The following SENP2 variants were observed in gnomAD, a reference collection of about 807,000 sequenced individuals.
SENP2 encodes sentrin-specific protease 2.
A neutral mutation model predicts 86.3 loss-of-function variants in SENP2; 16 were observed. That is an observed-to-expected ratio of 0.19 (90% CI 0.13 to 0.28). The LOEUF (loss-of-function observed/expected upper bound fraction) is 0.28. Among genes scored for constraint, SENP2 ranks in the 10% least tolerant of loss-of-function variants. The pLI, the probability that SENP2 is intolerant of heterozygous loss-of-function variation, is 1.00. For synonymous variants in SENP2, 222 were observed against 238.7 expected, an observed-to-expected ratio of 0.93 and a Z score of 0.64; for missense variants, 552 against 703.0, an observed-to-expected ratio of 0.79 and a Z score of 2.43.
Position 185,631,486 on chromosome 3 carries a change from CCTCCCTCCCCCCCCTCCCCCT to C in SENP2, c.*1644_*1664del, listed in dbSNP as rs1712468106. 7.8e-4 allele frequency: 1 copy of C among 1,274 alleles called. No homozygotes were observed. Among genetic ancestry groups the C allele is most frequent in the African/African-American group, 4.9e-3 (1 of 206 alleles). The allele number at this position is 1,274 out of a possible 1,614,324, so 0.1% of individuals were successfully genotyped here. A position where few individuals can be genotyped will look rare whatever the true frequency, so the allele number is the denominator to read the frequency against. ...CCTCCCCCTCCCTCCCTCCCCCCTC[CCTCCCTCCCCCCCCTCCCCCT>C]CCCTCCCCCTCCCTCTCTCCCTAAC... On this transcript the variant is annotated 3_prime_UTR_variant, in exon 17 of 17. Transcript: ENST00000296257.
chr3:185,599,068 G>T, intron 4 of SENP2, 44 bp downstream of exon 4: 1 of 1,422,940 alleles, frequency 7.0e-7, no homozygotes, highest in Admixed American at 1.8e-5. Flanking sequence ...ACCTCCTTCT[G>T]CCCATTTTTT....
chr3:185,622,632 T>TAAAA (rs1306865518), intron 14 of SENP2, among the ~76,000 whole-genome samples: 3 of 152,092 alleles, frequency 2.0e-5, no homozygotes, highest in Non-Finnish European at 4.4e-5. Context: ...ACCAATTGTT[T>TAAAA]ATAAAATGGT....
intron 14 of SENP2, among the ~76,000 whole-genome samples, chr3:185,623,641 G>A (rs898987807): frequency 2.6e-5 from 4 of 151,786 alleles, no homozygotes; most frequent in East Asian, 1.9e-4. Context: ...TGGCTAACAC[G>A]GTGAAACCCC....
intron 5 of SENP2, among the ~76,000 whole-genome samples, chr3:185,604,896 C>T (rs901823508): frequency 6.6e-6 from 1 of 151,530 alleles, no homozygotes; most frequent in Non-Finnish European, 1.5e-5. Flanking sequence ...GCTGGGACTA[C>T]AGGCATGCAC....
At position 185,617,590 on chromosome 3, in the gene SENP2, C is replaced by T. The variant is rs775151156; in HGVS notation, c.1221C>T (p.Asn407=). The change falls in exon 12 of 17, where the codon AAC becomes AAT. Residue 407 remains asparagine (N), a synonymous_variant. Coordinates refer to ENST00000296257, the MANE Select transcript of SENP2 (RefSeq NM_021627.3). ...GAGGAGATATTCAGACATTAAAGAA[C>T]TATCACTGGCTCAATGATGAAGTAA... The part of the protein sequence containing the change: ...ITRGDIQTLK[N]YHWLNDEVIN... 2 of 1,613,416 alleles carry T rather than the reference C, an allele frequency of 1.2e-6. No individual in the cohort carries two copies. Among genetic ancestry groups the T allele is most frequent in the East Asian group, 2.2e-5 (1 of 44,858 alleles).
chr3:185,598,596 T>C (rs942174445), intron 3 of SENP2, 51 bp downstream of exon 3: 4 of 1,540,382 alleles, frequency 2.6e-6, no homozygotes, highest in Non-Finnish European at 3.5e-6. Context: ...TACTTAATCA[T>C]TATATTTTAG....
intron 6 of SENP2, among the ~76,000 whole-genome samples, chr3:185,608,061 T>C (rs1722575081): frequency 6.6e-6 from 1 of 152,228 alleles, no homozygotes. Flanking sequence ...GAGCCACTTG[T>C]TTAATTTAGT....
At chr3:185,617,237 G>T (rs1358199321) in intron 11 of SENP2, among the ~76,000 whole-genome samples, 1 of 152,184 alleles carries the variant, frequency 6.6e-6, no homozygotes, top group Non-Finnish European at 1.5e-5. Flanking sequence ...GGAGGCCAAG[G>T]CAGGTATTGC....
intron 11 of SENP2, among the ~76,000 whole-genome samples, chr3:185,616,663 T>C (rs1057270800): frequency 1.3e-5 from 2 of 151,476 alleles, no homozygotes; most frequent in African/African-American, 4.9e-5. Flanking sequence ...TCATCCCAGC[T>C]ACTCGGGAGG....
intron 5 of SENP2, among the ~76,000 whole-genome samples, chr3:185,605,264 G>A (rs1021391503): frequency 2.6e-5 from 4 of 151,578 alleles, no homozygotes; most frequent in African/African-American, 7.3e-5. Flanking sequence ...CCAGCTACAC[G>A]GGAGGCTGAG....
intron 14 of SENP2, 133 bp downstream of exon 14, chr3:185,622,038 T>C: frequency 2.0e-6 from 1 of 496,380 alleles, no homozygotes; most frequent in East Asian, 3.3e-5. Flanking sequence ...ATTTTATTTT[T>C]AAAATAATAG....
rs761898965 is a variant in SENP2 at position 185,586,508 on chromosome 3, C to T, written c.95C>T (p.Ser32Leu). 4.3e-6 allele frequency: 7 copies of T among 1,613,046 alleles called. No homozygotes were observed. In the South Asian group the frequency reaches 7.7e-5, roughly 18 times the overall value. Residue 32 changes from serine (S) to leucine (L), a missense_variant, in exon 1 of 17, where the codon TCA becomes TTA. Coordinates refer to ENST00000296257, the MANE Select transcript of SENP2 (RefSeq NM_021627.3). This position sits in a 1 kb window ranked among gnomAD's most constrained non-coding sequence, Gnocchi z 4.3. The part of the protein sequence containing the change: ...PARALLKRRR[S>L]DSTLFSTVDT... Reference sequence around the variant, plus strand: ...CGGGCCCTCCTGAAGAGGCGGCGCTCAGACAGGTGAGACGAGAGGGGGCTG... The same window carrying T: ...CGGGCCCTCCTGAAGAGGCGGCGCTTAGACAGGTGAGACGAGAGGGGGCTG...
chr3:185,605,372 A>G (rs1722480129), intron 5 of SENP2, among the ~76,000 whole-genome samples: 1 of 151,206 alleles, frequency 6.6e-6, no homozygotes, highest in East Asian at 1.9e-4. Context: ...ACTTCGTCGA[A>G]AAAAAAAAGA....
At position 185,631,426 on chromosome 3, in the gene SENP2, C is replaced by T. The variant is rs1712450232; in HGVS notation, c.*1582C>T. Reference sequence around the variant, plus strand: ...CGGGAGCAGGTTGTACCACACCTCTCCCCCCCCCCTCCCACTCCCCCTCCC... The same window carrying T: ...CGGGAGCAGGTTGTACCACACCTCTTCCCCCCCCCTCCCACTCCCCCTCCC... On this transcript the variant is annotated 3_prime_UTR_variant, in exon 17 of 17. Transcript: ENST00000296257. 6.3e-5 allele frequency: 1 copy of T among 15,920 alleles called. No individual in the cohort carries two copies. The highest frequency in any genetic ancestry group is 1.0e-4 in the Non-Finnish European group (1 of 10,012). 1.0% of individuals were successfully genotyped at this position (15,920 alleles called of 1,614,324 possible).
At chr3:185,594,060 T>C (rs1722096244) in intron 2 of SENP2, among the ~76,000 whole-genome samples, 1 of 152,148 alleles carries the variant, frequency 6.6e-6, no homozygotes. Context: ...CAGGTGATGT[T>C]GGCTTTACAT....
chr3:185,626,129 T>A (rs1000916074), intron 15 of SENP2, among the ~76,000 whole-genome samples, 169 bp from the exon 16 acceptor site: 1 of 152,238 alleles, frequency 6.6e-6, no homozygotes, highest in Non-Finnish European at 1.5e-5. Context: ...TTATACCACA[T>A]AGAGTAAGAA....
chr3:185,621,691 A>G, intron 13 of SENP2, 135 bp from the exon 14 acceptor site: 1 of 522,660 alleles, frequency 1.9e-6, no homozygotes, highest in East Asian at 3.6e-5. Flanking sequence ...CATGGCCCAT[A>G]AATGGATTTC....
At chr3:185,627,231 T>C (rs1368171150) in intron 16 of SENP2, among the ~76,000 whole-genome samples, 1 of 152,192 alleles carries the variant, frequency 6.6e-6, no homozygotes, top group African/African-American at 2.4e-5. Context: ...TGGGCACAAT[T>C]TGCAAATCTC....
chr3:185,607,723 G>A (rs1406297942), intron 6 of SENP2, among the ~76,000 whole-genome samples: 1 of 151,786 alleles, frequency 6.6e-6, no homozygotes, highest in African/African-American at 2.4e-5. Context: ...ATGGGATCTC[G>A]CTATGTTGTC....
Sources: allele counts gnomAD v4.1 joint callset (sites outside exome capture counted in the v4.1 genomes callset), GRCh38; gene constraint gnomAD v4.1.1; non-coding constraint Gnocchi (gnomAD v3.1); transcripts MANE v1.5; gene names NCBI Gene and HGNC (gene_info 2026-07-23, HGNC 2026-07-21).